Variants in CA10 observed in about 807,000 individuals in gnomAD.
CA10 encodes the protein carbonic anhydrase-related protein 10.
Under a neutral mutation model 44.2 loss-of-function variants are expected in CA10, and 14 were observed. The observed-to-expected ratio is 0.32, with a 90% CI of 0.21 to 0.50. CA10 has a LOEUF of 0.50. Ranked by LOEUF, CA10 falls within the 20% of genes least tolerant of loss-of-function variation. The probability of loss-of-function intolerance (pLI) is 0.99; values close to 1 mark genes in which losing one functional copy is unlikely to be tolerated. For missense variants in CA10, 350 were observed against 409.7 expected (o/e 0.85, Z 1.26); for synonymous variants, 159 against 141.6 (o/e 1.12, Z -0.87).
At chr17:52,004,951 CT>C (rs1985547468) in intron 2 of CA10, among the ~76,000 whole-genome samples, 1 of 151,850 alleles carries the variant, frequency 6.6e-6, no homozygotes, top group African/African-American at 2.4e-5. Flanking sequence ...GAACAAGACT[CT>C]TTTTCCCCCT....
intron 1 of CA10, among the ~76,000 whole-genome samples, chr17:52,092,235 T>A (rs1003252716): frequency 1.3e-5 from 2 of 152,190 alleles, no homozygotes; most frequent in African/African-American, 2.4e-5. Context: ...CCACAGAATT[T>A]TTTCTTAAAA....
chr17:51,823,834 TTAAG>T (rs1281290321), intron 3 of CA10, among the ~76,000 whole-genome samples: 2 of 152,248 alleles, frequency 1.3e-5, no homozygotes, highest in East Asian at 1.9e-4. Context: ...AAATCATTTA[TTAAG>T]TAATTAGGCT....
At chr17:52,029,164 G>A (rs1412114407) in intron 2 of CA10, among the ~76,000 whole-genome samples, 4 of 152,062 alleles carry the variant, frequency 2.6e-5, no homozygotes, top group African/African-American at 9.7e-5. Flanking sequence ...TTTATTCATT[G>A]CTGAAGTTCC....
chr17:51,659,323 C>T (rs78733058), intron 4 of CA10, among the ~76,000 whole-genome samples: 1 of 152,130 alleles, frequency 6.6e-6, no homozygotes, highest in African/African-American at 2.4e-5. Context: ...CACTAGCGAC[C>T]ACCTCTCTCC....
intron 3 of CA10, among the ~76,000 whole-genome samples, chr17:51,919,698 T>C (rs203069): frequency 0.78 from 118,775 of 152,126 alleles, 46,761 homozygotes; most frequent in African/African-American, 0.81. Context: ...GTCGCCCAGG[T>C]TGGAGTGCAG....
chr17:51,847,083 T>A (rs1598078572), intron 3 of CA10, among the ~76,000 whole-genome samples: 1 of 152,190 alleles, frequency 6.6e-6, no homozygotes, highest in South Asian at 2.1e-4. Flanking sequence ...AGCTAGGGAA[T>A]CTCTGGAGCT....
chr17:52,117,569 T>TA (rs1484213784), intron 1 of CA10, among the ~76,000 whole-genome samples: 1 of 152,196 alleles, frequency 6.6e-6, no homozygotes, highest in African/African-American at 2.4e-5. Context: ...GTGATGTCTA[T>TA]AAAAAAGAGC....
intron 4 of CA10, among the ~76,000 whole-genome samples, chr17:51,680,803 T>A (rs191144688): frequency 1.9e-3 from 294 of 152,118 alleles, no homozygotes; most frequent in Admixed American, 3.2e-3. Flanking sequence ...GGTTGAGAAA[T>A]TAAAAGACTT....
intron 6 of CA10, 51 bp from the exon 7 acceptor site, chr17:51,636,060 T>C: frequency 1.6e-6 from 2 of 1,213,340 alleles, no homozygotes; most frequent in Non-Finnish European, 2.3e-6. Flanking sequence ...AAAGGGATGG[T>C]ATTGCTGACA....
At chr17:51,826,673 G>T (rs1448986987) in intron 3 of CA10, among the ~76,000 whole-genome samples, 1 of 152,188 alleles carries the variant, frequency 6.6e-6, no homozygotes, top group Non-Finnish European at 1.5e-5. Context: ...GTCAGCAGTG[G>T]CTCCCTTACT....
intron 4 of CA10, among the ~76,000 whole-genome samples, chr17:51,727,886 G>T (rs1420726274): frequency 6.6e-6 from 1 of 150,852 alleles, no homozygotes; most frequent in Non-Finnish European, 1.5e-5. Flanking sequence ...TTTTTTTAAA[G>T]ACTTAAAAAA....
Position 51,835,491 on chromosome 17 carries a change from T to C in CA10, c.280-87673A>G, listed in dbSNP as rs182999627. Among the ~76,000 whole-genome samples the C allele has an allele frequency of 3.7e-4, 56 of 152,330 alleles. No homozygotes were observed. In the East Asian group the frequency reaches 0.01, roughly 28 times the overall value. ...TGCCACTGCCATTCAGCAATCAGGC[T>C]TTCCTCCTCTGCTACATGGTGAGTT... On this transcript the variant is annotated intron_variant, in intron 3 of 8. Transcript: ENST00000451037.
chr17:51,859,330 C>T (rs553027488), intron 3 of CA10, among the ~76,000 whole-genome samples: 2 of 152,256 alleles, frequency 1.3e-5, no homozygotes, highest in South Asian at 2.1e-4. Context: ...GACACTGCTG[C>T]CTGGCCATGT....
chr17:51,995,013 T>G (rs1242869331), intron 2 of CA10, among the ~76,000 whole-genome samples: 2 of 152,034 alleles, frequency 1.3e-5, no homozygotes, highest in Non-Finnish European at 1.5e-5. Context: ...TCTATAGGTC[T>G]TTTTTTCTTT....
At chr17:51,916,954 C>G (rs2143963942) in intron 3 of CA10, among the ~76,000 whole-genome samples, 1 of 152,224 alleles carries the variant, frequency 6.6e-6, no homozygotes, top group East Asian at 1.9e-4. Flanking sequence ...TTTCCAACAC[C>G]AGCTACAATA....
chr17:51,645,081 C>A (rs375425912), intron 6 of CA10, among the ~76,000 whole-genome samples: 1 of 152,138 alleles, frequency 6.6e-6, no homozygotes, highest in South Asian at 2.1e-4. Flanking sequence ...CAGGTGTGAG[C>A]CACTGTGCCC....
At chr17:51,721,093 G>C (rs1476104073) in intron 4 of CA10, among the ~76,000 whole-genome samples, 1 of 152,100 alleles carries the variant, frequency 6.6e-6, no homozygotes, top group Non-Finnish European at 1.5e-5. Context: ...ACTTTGGGAG[G>C]CTGAGGTGGA....
chr17:51,777,632 A>G (rs1472380060), intron 3 of CA10, among the ~76,000 whole-genome samples: 4 of 152,186 alleles, frequency 2.6e-5, no homozygotes, highest in Non-Finnish European at 5.9e-5. Flanking sequence ...AGATGAAACA[A>G]TGGCCAAATT....
chr17:52,123,715 A>G (rs1989061156), intron 1 of CA10, among the ~76,000 whole-genome samples: 1 of 152,236 alleles, frequency 6.6e-6, no homozygotes, highest in Admixed American at 6.5e-5. Context: ...TCTGAGTTGC[A>G]GGAACCACCT....
Sources: allele counts gnomAD v4.1 joint callset (sites outside exome capture counted in the v4.1 genomes callset), GRCh38; gene constraint gnomAD v4.1.1; transcripts MANE v1.5; gene names NCBI Gene and HGNC (gene_info 2026-07-23, HGNC 2026-07-21).